Variants in PDE4B observed in about 807,000 individuals in gnomAD.
PDE4B encodes 3',5'-cyclic-AMP phosphodiesterase 4B.
Under a neutral mutation model 82.2 loss-of-function variants are expected in PDE4B, and 20 were observed. The ratio of observed to expected loss-of-function variants is 0.24; its 90% CI spans 0.17 to 0.35. PDE4B has a LOEUF of 0.35. PDE4B is among the 10% of genes least tolerant of loss of function. The pLI, the probability that PDE4B is intolerant of heterozygous loss-of-function variation, is 1.00. For synonymous variants in PDE4B, 320 were observed against 318.9 expected, an observed-to-expected ratio of 1.00 and a Z score of -0.04; for missense variants, 655 against 907.2, an observed-to-expected ratio of 0.72 and a Z score of 3.57.
At chr1:66,180,135 A>G (rs1204568011) in intron 3 of PDE4B, among the ~76,000 whole-genome samples, 1 of 152,222 alleles carries the variant, frequency 6.6e-6, no homozygotes, top group Admixed American at 6.5e-5. Flanking sequence ...GCAGTCAGGT[A>G]GGGAGGAAGC....
chr1:65,901,075 C>T (rs549837262), intron 1 of PDE4B, among the ~76,000 whole-genome samples: 2 of 151,902 alleles, frequency 1.3e-5, no homozygotes, highest in African/African-American at 2.4e-5. Context: ...ATTCAGTATG[C>T]TGTTGGCTGT....
chr1:66,287,003 C>T (rs1656724083), intron 7 of PDE4B, among the ~76,000 whole-genome samples: 1 of 152,124 alleles, frequency 6.6e-6, no homozygotes, highest in African/African-American at 2.4e-5. Context: ...CCAGTCACAA[C>T]ACATTCAAAA....
At chr1:65,990,177 GA>G (rs1411358627) in intron 3 of PDE4B, among the ~76,000 whole-genome samples, 1 of 151,902 alleles carries the variant, frequency 6.6e-6, no homozygotes, top group Non-Finnish European at 1.5e-5. Context: ...AAGTAATGTG[GA>G]ATCCCACGTG....
Position 65,974,756 on chromosome 1 carries a change from C to G in PDE4B, c.281+55921C>G, listed in dbSNP as rs1231272411. Among the ~76,000 whole-genome samples, 2 of 152,198 alleles carry G rather than the reference C, an allele frequency of 1.3e-5. 1 individual carries two copies. Among genetic ancestry groups the G allele is most frequent in the Non-Finnish European group, 2.9e-5 (2 of 68,032 alleles). On this transcript the variant is annotated intron_variant, in intron 3 of 16. Coordinates refer to ENST00000341517, the MANE Select transcript of PDE4B (RefSeq NM_002600.4). ...CCCTTGCTCTCTTTCTCTTCTGCTT[C>G]ACCATAGTATGATGCGCTTGCTTCC...
At chr1:66,138,120 G>C (rs1029053813) in intron 3 of PDE4B, among the ~76,000 whole-genome samples, 8 of 152,178 alleles carry the variant, frequency 5.3e-5, no homozygotes, top group African/African-American at 1.9e-4. Flanking sequence ...TACAATATAC[G>C]TAGTTTCTAC....
intron 3 of PDE4B, among the ~76,000 whole-genome samples, chr1:66,144,636 C>G (rs894404851): frequency 2.0e-5 from 3 of 152,144 alleles, no homozygotes; most frequent in Non-Finnish European, 4.4e-5. Flanking sequence ...TAAGGAGGCT[C>G]AATCATTCAA....
At chr1:66,198,157 C>A (rs187580836) in intron 3 of PDE4B, among the ~76,000 whole-genome samples, 189 of 152,194 alleles carry the variant, frequency 1.2e-3, no homozygotes, top group Non-Finnish European at 2.3e-3. Context: ...TAAGATCAAA[C>A]CAAGCGGCTA....
chr1:66,259,555 G>A (rs1003495671), intron 6 of PDE4B, among the ~76,000 whole-genome samples: 1 of 152,142 alleles, frequency 6.6e-6, no homozygotes, highest in African/African-American at 2.4e-5. Context: ...TCACTGAGAT[G>A]CTTTCCCTGA....
At chr1:66,328,751 A>T (rs566633761) in intron 7 of PDE4B, among the ~76,000 whole-genome samples, 2 of 152,056 alleles carry the variant, frequency 1.3e-5, no homozygotes, top group African/African-American at 4.8e-5. Flanking sequence ...TCCATCCCCA[A>T]TCAGGGTATA....
chr1:66,321,464 G>T (rs547215391), intron 7 of PDE4B, among the ~76,000 whole-genome samples: 94 of 152,226 alleles, frequency 6.2e-4, no homozygotes, highest in African/African-American at 2.2e-3. Flanking sequence ...GTCCATTCTT[G>T]CTTCTATAAC....
chr1:65,959,805 C>T (rs1162437720), intron 3 of PDE4B, among the ~76,000 whole-genome samples: 4 of 152,154 alleles, frequency 2.6e-5, no homozygotes, highest in East Asian at 1.9e-4. Context: ...TTGAATTCGA[C>T]GATTCAGTAA....
chr1:65,921,214 C>T (rs1647238458), intron 3 of PDE4B, among the ~76,000 whole-genome samples: 2 of 151,722 alleles, frequency 1.3e-5, no homozygotes, highest in South Asian at 2.1e-4. Flanking sequence ...GTGATCCGCC[C>T]GCCTCGGCCT....
chr1:66,202,529 G>T lies in PDE4B; in HGVS notation c.282-44931G>T, dbSNP rs373719490. 8.1e-3 allele frequency among the ~76,000 whole-genome samples: 1,223 copies of T among 151,204 alleles called. 11 individuals carry two copies. Among genetic ancestry groups the T allele is most frequent in the African/African-American group, 0.023 (940 of 41,246 alleles). On this transcript the variant is annotated intron_variant, in intron 3 of 16. Transcript: ENST00000341517. The stretch of plus-strand genomic sequence containing the variant: ...GGACTTGCTTTATGAATCTGGGTGC[G>T]CCTGTATTGGGTGCATATATATTTA...
intron 3 of PDE4B, among the ~76,000 whole-genome samples, chr1:66,140,431 A>C (rs749123398): frequency 6.6e-6 from 1 of 152,238 alleles, no homozygotes; most frequent in Non-Finnish European, 1.5e-5. Context: ...AAGCAGCATA[A>C]AATATAATTT....
At chr1:66,366,115 G>C (rs1176690154) in intron 13 of PDE4B, among the ~76,000 whole-genome samples, 1 of 152,060 alleles carries the variant, frequency 6.6e-6, no homozygotes, top group Admixed American at 6.6e-5. Context: ...CAAAACTCTC[G>C]CACAGAGCAT....
chr1:65,922,792 A>G (rs1407917891), intron 3 of PDE4B, among the ~76,000 whole-genome samples: 1 of 152,218 alleles, frequency 6.6e-6, no homozygotes, highest in African/African-American at 2.4e-5. Context: ...AAGAGGCTGG[A>G]AATGTGATGC....
At chr1:66,134,249 T>C (rs985105707) in intron 3 of PDE4B, among the ~76,000 whole-genome samples, 6 of 152,214 alleles carry the variant, frequency 3.9e-5, no homozygotes, top group Non-Finnish European at 8.8e-5. Context: ...GCTGGCACCA[T>C]GGAGTTGCTT....
At chr1:66,270,697 C>T (rs562659832) in intron 7 of PDE4B, among the ~76,000 whole-genome samples, 126 of 151,716 alleles carry the variant, frequency 8.3e-4, no homozygotes, top group African/African-American at 2.8e-3. Flanking sequence ...ACAACACTTA[C>T]GGACAAATAG....
rs1658715201 is a variant in PDE4B at position 66,312,094 on chromosome 1, AC to A, written c.635-20413del. 6.6e-5 allele frequency among the ~76,000 whole-genome samples: 10 copies of A among 151,998 alleles called. No individual in the cohort carries two copies. The South Asian group carries it at 2.1e-3, about 32-fold the overall frequency. On this transcript the variant is annotated intron_variant, in intron 7 of 16. Transcript: ENST00000341517. ...ATAGTAAAAGCAGCTCCTTTTAAAC[AC>A]TCCCTGAAAGCATTACCTGATTTCC...
Sources: gnomAD v4.1 joint callset for allele counts (sites outside exome capture counted in the v4.1 genomes callset) on GRCh38, gnomAD v4.1.1 for gene constraint, MANE v1.5 for transcripts, NCBI Gene and HGNC (gene_info 2026-07-23, HGNC 2026-07-21) for gene names.